Variants in CPNE2 observed in about 807,000 individuals in gnomAD.
CPNE2 encodes copine 2.
A neutral mutation model predicts 69.7 loss-of-function variants in CPNE2; 42 were observed. That is an observed-to-expected ratio of 0.60 (90% CI 0.47 to 0.78). The LOEUF (loss-of-function observed/expected upper bound fraction) is 0.78, where lower values mean the gene tolerates loss of function less well. CPNE2 is among the 30% of genes least tolerant of loss of function. The pLI is 0.00. For synonymous variants in CPNE2, 294 were observed against 289.8 expected, an observed-to-expected ratio of 1.01 and a Z score of -0.15; for missense variants, 587 against 732.0, an observed-to-expected ratio of 0.80 and a Z score of 2.29.
intron 3 of CPNE2, among the ~76,000 whole-genome samples, chr16:57,114,214 A>T (rs1201030210): frequency 3.3e-5 from 5 of 152,170 alleles, no homozygotes; most frequent in Admixed American, 6.5e-5. Context: ...GGTATAACTG[A>T]GAAGAGAGCT....
At chr16:57,096,906 C>T (rs901495718) in intron 1 of CPNE2, among the ~76,000 whole-genome samples, 23 of 151,968 alleles carry the variant, frequency 1.5e-4, no homozygotes, top group Non-Finnish European at 8.8e-5. Flanking sequence ...GGCTTCTGAA[C>T]CACACTAGGC....
chr16:57,127,964 C>A, intron 12 of CPNE2, 61 bp downstream of exon 12: 1 of 1,515,408 alleles, frequency 6.6e-7, no homozygotes, highest in African/African-American at 1.4e-5. Flanking sequence ...TGTGGCCTCT[C>A]GGGGATCAGC....
At chr16:57,127,621 T>G (rs1487685001) in intron 11 of CPNE2, among the ~76,000 whole-genome samples, 1 of 152,134 alleles carries the variant, frequency 6.6e-6, no homozygotes, top group Non-Finnish European at 1.5e-5. Context: ...GAAGTACCAT[T>G]GTCGTGTCTG....
At chr16:57,110,622 TA>T in intron 1 of CPNE2, 85 bp from the exon 2 acceptor site, 1 of 877,210 alleles carries the variant, frequency 1.1e-6, no homozygotes. Context: ...ACTCACCTCT[TA>T]AAGGCCAGGT....
At chr16:57,113,258 C>G (rs746211114) in intron 2 of CPNE2, 30 bp from the exon 3 acceptor site, 5 of 1,607,032 alleles carry the variant, frequency 3.1e-6, no homozygotes, top group Non-Finnish European at 4.3e-6. Context: ...TGCCTTGACT[C>G]TGACTTCCAT....
intron 7 of CPNE2, 84 bp downstream of exon 7, chr16:57,119,734 G>C: frequency 1.1e-6 from 1 of 896,750 alleles, no homozygotes; most frequent in African/African-American, 1.7e-5. Flanking sequence ...ATGCCTTGTA[G>C]AAAGCTCTTT....
Position 57,147,645 on chromosome 16 carries a change from C to CAGGCACT in CPNE2, c.1634_1635insAGGCACT (p.Glu546GlyfsTer17), listed in dbSNP as rs1317313366. ...CATAAAAACCTGCCCCCCACCAACT[C>CAGGCACT]GGAGCCCGCCTGAGCTCCAGTGCCC... On this transcript the variant is annotated frameshift_variant, in exon 16 of 16. Transcript: ENST00000290776. LOFTEE classifies it high-confidence loss of function. 6.2e-7 allele frequency: 1 copy of CAGGCACT among 1,601,344 alleles called. No individual in the cohort carries two copies. Among genetic ancestry groups the CAGGCACT allele is most frequent in the Admixed American group, 1.7e-5 (1 of 59,516 alleles).
chr16:57,117,086 G>A (rs778082592), intron 4 of CPNE2, among the ~76,000 whole-genome samples: 2 of 152,104 alleles, frequency 1.3e-5, no homozygotes, highest in Admixed American at 6.5e-5. Context: ...ACAATGAAGT[G>A]GCTGTGATGC....
chr16:57,130,618 T>C lies in CPNE2; in HGVS notation c.1116+2715T>C, dbSNP rs2069830944. Among the ~76,000 whole-genome samples the C allele has an allele frequency of 6.6e-6, 1 of 151,888 alleles. No homozygotes were observed. The stretch of plus-strand genomic sequence containing the variant: ...CCCTGTTATGAACCCATTTTGATCG[T>C]TGAGGAAGCCAAGCAGTCAGGGCTC... On this transcript the variant is annotated intron_variant, in intron 12 of 15. Coordinates refer to ENST00000290776, the MANE Select transcript of CPNE2 (RefSeq NM_152727.6). The surrounding 1 kb of genome is among the most constrained non-coding windows in gnomAD (Gnocchi z 4.1).
intron 3 of CPNE2, among the ~76,000 whole-genome samples, chr16:57,114,934 CAAAAAAAAAAAAA>C (rs55845635): frequency 1.0e-4 from 4 of 39,070 alleles, no homozygotes; most frequent in South Asian, 1.2e-3. Flanking sequence ...TTGTCTCTAC[CAAAAAAAAAAAAA>C]AAAAAAAAAA....
rs546722467 is a variant in CPNE2, at chr16:57,098,782, C to T, written c.-36+5992C>T. ...ATTCTGTGCCTCTGGGTGTTGGGAG[C>T]AACGAAATGGAAACAGGGTTTGGTT... On this transcript the variant is annotated intron_variant, in intron 1 of 15. Transcript: ENST00000290776. 1.6e-4 allele frequency among the ~76,000 whole-genome samples: 24 copies of T among 152,206 alleles called. No individual in the cohort carries two copies. The South Asian group carries it at 4.8e-3, about 30-fold the overall frequency.
At position 57,125,534 on chromosome 16, in the gene CPNE2, A is replaced by G. The variant is rs1364542873; in HGVS notation, c.928-326A>G. The G allele has an allele frequency of 2.5e-5, 10 of 395,374 alleles. No homozygotes were observed. In the Admixed American group the frequency reaches 3.5e-4, roughly 14 times the overall value. 24.5% of individuals were successfully genotyped at this position (395,374 alleles called of 1,614,324 possible). ...TGGCTCTGCATGCAGAGCGAAGCTTATGAATAAATGCCTGCATATGGGAAC... is the reference window on the plus strand; with the variant it reads ...TGGCTCTGCATGCAGAGCGAAGCTTGTGAATAAATGCCTGCATATGGGAAC... On this transcript the variant is annotated intron_variant, in intron 10 of 15. Coordinates refer to ENST00000290776, the MANE Select transcript of CPNE2 (RefSeq NM_152727.6).
In CPNE2 at chr16:57,134,810, C is replaced by T. The variant is rs1208483643; in HGVS notation, c.1152C>T (p.Thr384=). 1 of 1,613,962 alleles carries T rather than the reference C, an allele frequency of 6.2e-7. No homozygotes were observed. The highest frequency in any genetic ancestry group is 2.2e-5 in the East Asian group (1 of 44,856). The change falls in exon 13 of 16, where the codon ACC becomes ACT. Residue 384 remains threonine, a synonymous_variant. Transcript: ENST00000290776. ...AGTTTGCCATCAACTTCAACCCCAC[C>T]AACCCCTTCTGCTCAGGTGAGTGTC... ...SHEFAINFNP[T]NPFCSGVDGI... is the part of the protein sequence containing the mutation.
chr16:57,138,204 C>T (rs2069896979), intron 14 of CPNE2, among the ~76,000 whole-genome samples: 1 of 152,174 alleles, frequency 6.6e-6, no homozygotes, highest in Non-Finnish European at 1.5e-5. Context: ...TCGGCCAGCC[C>T]CCACCCCTTT....
At chr16:57,123,145 A>T (rs1253521555) in intron 9 of CPNE2, among the ~76,000 whole-genome samples, 1 of 152,120 alleles carries the variant, frequency 6.6e-6, no homozygotes, top group African/African-American at 2.4e-5. Flanking sequence ...CAGGTAACTG[A>T]CACTGGGCCC....
In CPNE2 at chr16:57,147,753, T is replaced by A. The variant is rs1174300369; in HGVS notation, c.*95T>A. 1.4e-6 allele frequency: 1 copy of A among 700,394 alleles called. No homozygotes were observed. The highest frequency in any genetic ancestry group is 3.8e-5 in the Admixed American group (1 of 26,222). The allele number at this position is 700,394 out of a possible 1,614,324, so 43.4% of individuals were successfully genotyped here. On this transcript the variant is annotated 3_prime_UTR_variant, in exon 16 of 16. Transcript: ENST00000290776. Reference sequence around the variant, plus strand: ...TGCTTCCTTGTGGGTGGCCTTTTTTTACCGATCCCCTTTTTTATTTTTTAC... The same window carrying A: ...TGCTTCCTTGTGGGTGGCCTTTTTTAACCGATCCCCTTTTTTATTTTTTAC...
chr16:57,123,479 G>T lies in CPNE2; in HGVS notation c.927+6G>T, dbSNP rs1490110492. ...GCTGCCAGCTCATGTTCACCGTAAG[G>T]CTCTCCCCGCTGGCTCCCTCTGCAC... On this transcript the variant is annotated splice_donor_region_variant and intron_variant, in intron 10 of 15. Transcript: ENST00000290776. 1 of 1,612,704 alleles carries T rather than the reference G, an allele frequency of 6.2e-7. No individual in the cohort carries two copies. The highest frequency in any genetic ancestry group is 1.1e-5 in the South Asian group (1 of 91,074).
In CPNE2 at chr16:57,134,813, C is replaced by T. The variant is rs1234895825; in HGVS notation, c.1155C>T (p.Asn385=). 6.2e-7 allele frequency: 1 copy of T among 1,613,996 alleles called. No individual in the cohort carries two copies. Among genetic ancestry groups the T allele is most frequent in the East Asian group, 2.2e-5 (1 of 44,864 alleles). The stretch of plus-strand genomic sequence containing the variant: ...TTGCCATCAACTTCAACCCCACCAA[C>T]CCCTTCTGCTCAGGTGAGTGTCAGA... ...HEFAINFNPT[N]PFCSGVDGIA... The change falls in exon 13 of 16, where the codon AAC becomes AAT. Residue 385 remains asparagine, a synonymous_variant. Transcript: ENST00000290776.
chr16:57,125,608 T>C, intron 10 of CPNE2: 1 of 534,282 alleles, frequency 1.9e-6, no homozygotes, highest in East Asian at 3.3e-5. Context: ...AATCTGGGAC[T>C]GTACGTTAGT....
Sources: allele counts gnomAD v4.1 joint callset (sites outside exome capture counted in the v4.1 genomes callset), GRCh38; gene constraint gnomAD v4.1.1; non-coding constraint Gnocchi (gnomAD v3.1); transcripts MANE v1.5; gene names NCBI Gene and HGNC (gene_info 2026-07-23, HGNC 2026-07-21).